The following THSD7B variants were observed in gnomAD, a reference collection of about 807,000 sequenced individuals.
The protein encoded by THSD7B is thrombospondin type-1 domain-containing protein 7B.
A neutral mutation model predicts 213.6 loss-of-function variants in THSD7B; 138 were observed. The observed-to-expected ratio is 0.65, with a 90% CI of 0.56 to 0.74. The LOEUF (loss-of-function observed/expected upper bound fraction) is 0.74, where lower values mean the gene tolerates loss of function less well. Among genes scored for constraint, THSD7B ranks in the 30% least tolerant of loss-of-function variants. The pLI is 0.00. For synonymous variants in THSD7B, 742 were observed against 687.0 expected (o/e 1.08, Z -1.25); for missense variants, 1,931 against 1,991.5 (o/e 0.97, Z 0.58).
rs552198105 is a variant in THSD7B, at chr2:137,384,849, C to A, written c.2501-20764C>A. ...TGGCTGGCAGGCTTAGCAGAAGATT[C>A]TACCCTGGAACTCCTGGGCCACTCA... On this transcript the variant is annotated intron_variant, in intron 12 of 27. Coordinates refer to ENST00000409968, the MANE Select transcript of THSD7B (RefSeq NM_001316349.2). 8.3e-4 allele frequency among the ~76,000 whole-genome samples: 127 copies of A among 152,210 alleles called. No individual in the cohort carries two copies. The South Asian group carries it at 0.011, about 13-fold the overall frequency.
At chr2:137,552,063 A>G (rs1680858120) in intron 15 of THSD7B, among the ~76,000 whole-genome samples, 1 of 152,160 alleles carries the variant, frequency 6.6e-6, no homozygotes, top group African/African-American at 2.4e-5. Flanking sequence ...CTTCCCACAA[A>G]TAATTGCAAC....
At chr2:137,404,472 TATACACAC>T (rs1274728931) in intron 12 of THSD7B, among the ~76,000 whole-genome samples, 7 of 56,788 alleles carry the variant, frequency 1.2e-4, no homozygotes, top group South Asian at 8.3e-4. Context: ...TATATATATA[TATACACAC>T]ACACACACAC....
At chr2:137,419,911 G>A (rs1686886260) in intron 14 of THSD7B, among the ~76,000 whole-genome samples, 1 of 152,046 alleles carries the variant, frequency 6.6e-6, no homozygotes, top group Non-Finnish European at 1.5e-5. Context: ...AATAGTGGGA[G>A]TATAGATACC....
intron 20 of THSD7B, among the ~76,000 whole-genome samples, chr2:137,638,153 C>T (rs749566987): frequency 2.6e-5 from 4 of 152,122 alleles, no homozygotes; most frequent in African/African-American, 4.8e-5. Flanking sequence ...CCTGTATCAT[C>T]ACTGAAAGAA....
intron 17 of THSD7B, among the ~76,000 whole-genome samples, chr2:137,580,913 A>T (rs1681559519): frequency 1.3e-5 from 2 of 152,194 alleles, no homozygotes; most frequent in South Asian, 4.1e-4. Flanking sequence ...CAAAATATTC[A>T]TAAGGAATCC....
At chr2:137,441,314 C>A (rs897603094) in intron 14 of THSD7B, among the ~76,000 whole-genome samples, 1 of 152,100 alleles carries the variant, frequency 6.6e-6, no homozygotes, top group Non-Finnish European at 1.5e-5. Flanking sequence ...GCCTCCCCAG[C>A]AGAACCTCCT....
At chr2:136,970,412 G>C (rs1442763603) in intron 2 of THSD7B, among the ~76,000 whole-genome samples, 2 of 152,096 alleles carry the variant, frequency 1.3e-5, no homozygotes, top group Non-Finnish European at 2.9e-5. Flanking sequence ...GTTGTAGTGA[G>C]CTGAGATTGC....
chr2:137,040,305 T>C (rs563711936), intron 2 of THSD7B, among the ~76,000 whole-genome samples: 1 of 152,168 alleles, frequency 6.6e-6, no homozygotes, highest in South Asian at 2.1e-4. Flanking sequence ...TTTTGATTCT[T>C]CTCTTCCTCT....
chr2:136,792,171 A>T (rs1269631948), intron 1 of THSD7B, among the ~76,000 whole-genome samples: 1 of 152,056 alleles, frequency 6.6e-6, no homozygotes. Context: ...TCCTGGATTC[A>T]ATCCAAGGGT....
At chr2:137,060,869 T>G (rs1687256958) in intron 3 of THSD7B, among the ~76,000 whole-genome samples, 1 of 151,840 alleles carries the variant, frequency 6.6e-6, no homozygotes, top group Non-Finnish European at 1.5e-5. Flanking sequence ...TGGAACTACT[T>G]TTTGATATCC....
chr2:137,234,267 T>C (rs1011050173), intron 9 of THSD7B, among the ~76,000 whole-genome samples: 3 of 152,222 alleles, frequency 2.0e-5, no homozygotes. Flanking sequence ...TTTGATGTTC[T>C]GCCTAATTCA....
At chr2:136,818,821 G>T (rs1682525083) in intron 1 of THSD7B, among the ~76,000 whole-genome samples, 1 of 151,946 alleles carries the variant, frequency 6.6e-6, no homozygotes, top group Non-Finnish European at 1.5e-5. Flanking sequence ...CAAGTAAGTT[G>T]ATTTTTAGGG....
chr2:136,962,852 AT>A lies in THSD7B; in HGVS notation c.139+80544del, dbSNP rs1000765495. Among the ~76,000 whole-genome samples, 9 of 151,740 alleles carry A rather than the reference AT, an allele frequency of 5.9e-5. No homozygotes were observed. The East Asian group carries it at 7.7e-4, about 13-fold the overall frequency. ...AATTAGAAGTTTGTGGGGTCTTTAA[AT>A]TTTTTTTTGCCAGTTATAAAACAGA... is the stretch of plus-strand genomic sequence containing the variant. On this transcript the variant is annotated intron_variant, in intron 2 of 27. Coordinates refer to ENST00000409968, the MANE Select transcript of THSD7B (RefSeq NM_001316349.2).
Position 137,370,148 on chromosome 2 carries a change from T to G in THSD7B, c.2501-35465T>G, listed in dbSNP as rs190188209. On this transcript the variant is annotated intron_variant, in intron 12 of 27. Transcript: ENST00000409968. ...TAAAGAACGCATATATGATATAGAA[T>G]CCTGTATGTCATGTATTTGATCTGG... 2.1e-3 allele frequency among the ~76,000 whole-genome samples: 316 copies of G among 152,202 alleles called. 1 individual carries two copies. The highest frequency in any genetic ancestry group is 3.7e-3 in the Non-Finnish European group (251 of 68,012).
At chr2:136,823,502 T>G (rs1291127652) in intron 1 of THSD7B, among the ~76,000 whole-genome samples, 1 of 152,202 alleles carries the variant, frequency 6.6e-6, no homozygotes, top group African/African-American at 2.4e-5. Flanking sequence ...TCGTCAGGTA[T>G]TTCTGTGTCT....
intron 15 of THSD7B, among the ~76,000 whole-genome samples, chr2:137,541,062 G>A (rs1301978230): frequency 3.3e-5 from 5 of 151,702 alleles, no homozygotes; most frequent in African/African-American, 9.7e-5. Flanking sequence ...ACTCAGCAAA[G>A]ACTGGTAAAC....
intron 5 of THSD7B, among the ~76,000 whole-genome samples, chr2:137,131,577 A>C (rs368870142): frequency 0.033 from 5,079 of 152,212 alleles, 133 homozygotes; most frequent in South Asian, 0.07. Flanking sequence ...GGAAGGGATC[A>C]AGTTTCAGCT....
chr2:136,881,102 C>A (rs185187850), intron 1 of THSD7B, among the ~76,000 whole-genome samples: 24 of 152,290 alleles, frequency 1.6e-4, no homozygotes, highest in African/African-American at 5.8e-4. Context: ...ATGCCCTTCC[C>A]AACTCCTTCA....
intron 1 of THSD7B, among the ~76,000 whole-genome samples, chr2:136,839,144 T>C (rs59418698): frequency 1.3e-5 from 2 of 152,302 alleles, no homozygotes; most frequent in African/African-American, 4.8e-5. Context: ...GCTTGCAGAT[T>C]TTCCTAGACT....
Sources: gnomAD v4.1 joint callset for allele counts (sites outside exome capture counted in the v4.1 genomes callset) on GRCh38, gnomAD v4.1.1 for gene constraint, MANE v1.5 for transcripts, NCBI Gene and HGNC (gene_info 2026-07-23, HGNC 2026-07-21) for gene names.